WWOX: variants seen among roughly 807,000 people sequenced by gnomAD.
WWOX encodes the protein WW domain containing oxidoreductase, also known as WW domain-containing oxidoreductase.
Under a neutral mutation model 46.2 loss-of-function variants are expected in WWOX, and 69 were observed. The ratio of observed to expected loss-of-function variants is 1.49; its 90% CI spans 1.23 to 1.82. The LOEUF (loss-of-function observed/expected upper bound fraction) is 1.82, where lower values mean the gene tolerates loss of function less well. Among genes scored for constraint, WWOX ranks in the 40% most tolerant of loss-of-function variants. The probability of loss-of-function intolerance (pLI) is 0.00; values close to 1 mark genes in which losing one functional copy is unlikely to be tolerated. For missense variants in WWOX, 919 were observed against 542.6 expected, an observed-to-expected ratio of 1.69 and a Z score of -6.89; for synonymous variants, 359 against 202.6, an observed-to-expected ratio of 1.77 and a Z score of -6.56.
rs150209749 is a variant in WWOX, at chr16:79,139,907, A to G, written c.1057-71701A>G. On this transcript the variant is annotated intron_variant, in intron 8 of 8. Coordinates refer to ENST00000566780, the MANE Select transcript of WWOX (RefSeq NM_016373.4). The stretch of plus-strand genomic sequence containing the variant: ...AAGACCCTCCCCATAAACTATTTGA[A>G]AGAAGCAAAGTTGTAATTCTCCAAA... 4.8e-3 allele frequency among the ~76,000 whole-genome samples: 731 copies of G among 152,328 alleles called. 5 individuals carry two copies. The highest frequency in any genetic ancestry group is 0.017 in the African/African-American group (692 of 41,582).
intron 5 of WWOX, among the ~76,000 whole-genome samples, chr16:78,328,477 A>G (rs1194375796): frequency 6.6e-6 from 1 of 152,196 alleles, no homozygotes; most frequent in Admixed American, 6.5e-5. Flanking sequence ...TTTCATTTCA[A>G]GTTGCTGGTA....
rs538623460 is a variant in WWOX, at chr16:78,861,736, A to G, written c.1057-349872A>G. Among the ~76,000 whole-genome samples the G allele has an allele frequency of 7.9e-4, 120 of 152,310 alleles. No homozygotes were observed. In the South Asian group the frequency reaches 9.1e-3, roughly 12 times the overall value. ...GTTTGAATTCCAGGTAAAAACCTTT[A>G]ACTCATTTCCTTCTTTTGATTTTTC... On this transcript the variant is annotated intron_variant, in intron 8 of 8. Transcript: ENST00000566780.
At chr16:78,977,875 C>A (rs181754723) in intron 8 of WWOX, among the ~76,000 whole-genome samples, 2 of 152,150 alleles carry the variant, frequency 1.3e-5, no homozygotes, top group Non-Finnish European at 2.9e-5. Flanking sequence ...TTGTTTTCCC[C>A]TACTTTTAAA....
At chr16:78,909,125 G>A (rs1206306329) in intron 8 of WWOX, among the ~76,000 whole-genome samples, 1 of 152,200 alleles carries the variant, frequency 6.6e-6, no homozygotes, top group Non-Finnish European at 1.5e-5. Context: ...ACAGCCTGGA[G>A]GTTAGAAGCA....
chr16:78,681,425 A>G (rs555536302), intron 8 of WWOX, among the ~76,000 whole-genome samples: 6 of 151,666 alleles, frequency 4.0e-5, no homozygotes, highest in East Asian at 1.9e-4. Context: ...ACAAAGGTCA[A>G]TTTTTTTTCC....
intron 8 of WWOX, among the ~76,000 whole-genome samples, chr16:78,492,353 A>G (rs1377712950): frequency 6.6e-6 from 1 of 152,154 alleles, no homozygotes; most frequent in African/African-American, 2.4e-5. Flanking sequence ...GACCCATGAC[A>G]TCGTCCACTG....
At chr16:78,746,078 G>A (rs1190606734) in intron 8 of WWOX, among the ~76,000 whole-genome samples, 2 of 152,152 alleles carry the variant, frequency 1.3e-5, no homozygotes, top group African/African-American at 4.8e-5. Flanking sequence ...GCTCAGGAAA[G>A]CCAGAGCTAA....
At chr16:79,209,311 A>G (rs901831372) in intron 8 of WWOX, among the ~76,000 whole-genome samples, 10 of 152,204 alleles carry the variant, frequency 6.6e-5, no homozygotes, top group African/African-American at 2.4e-4. Flanking sequence ...CTTAGCAAAA[A>G]TACCATTCCA....
intron 5 of WWOX, among the ~76,000 whole-genome samples, chr16:78,362,845 C>T (rs1377853127): frequency 1.3e-5 from 2 of 152,156 alleles, no homozygotes; most frequent in Non-Finnish European, 2.9e-5. Context: ...TAGTATTTTG[C>T]TTGCAAAGAT....
chr16:78,400,520 A>G (rs1411743840), intron 6 of WWOX, among the ~76,000 whole-genome samples: 1 of 152,128 alleles, frequency 6.6e-6, no homozygotes, highest in African/African-American at 2.4e-5. Context: ...GGCTGGACAG[A>G]AGGAAGACTT....
intron 8 of WWOX, among the ~76,000 whole-genome samples, chr16:79,054,016 C>G (rs746516402): frequency 1.3e-5 from 2 of 151,860 alleles, no homozygotes; most frequent in Admixed American, 6.6e-5. Context: ...CAGAGCAGGA[C>G]ATGAACAGTG....
intron 6 of WWOX, among the ~76,000 whole-genome samples, chr16:78,414,070 C>G (rs1401813161): frequency 3.3e-5 from 5 of 151,948 alleles, no homozygotes; most frequent in Admixed American, 2.6e-4. Context: ...GATCAGTTGA[C>G]CTTGTGACAT....
At chr16:78,443,203 G>T (rs1311267748) in intron 8 of WWOX, among the ~76,000 whole-genome samples, 1 of 151,246 alleles carries the variant, frequency 6.6e-6, no homozygotes, top group Non-Finnish European at 1.5e-5. Flanking sequence ...TACTTGGGAG[G>T]CTGAGACATG....
chr16:78,810,818 A>G (rs1339195530), intron 8 of WWOX, among the ~76,000 whole-genome samples: 1 of 152,182 alleles, frequency 6.6e-6, no homozygotes, highest in African/African-American at 2.4e-5. Flanking sequence ...AAAACTCCCT[A>G]AAAAAGACAA....
chr16:78,804,288 C>A (rs761366604), intron 8 of WWOX, among the ~76,000 whole-genome samples: 1 of 152,108 alleles, frequency 6.6e-6, no homozygotes, highest in Non-Finnish European at 1.5e-5. Context: ...CTGGTCTTTG[C>A]CCTCAATTTC....
At chr16:78,872,470 G>A (rs1208283958) in intron 8 of WWOX, among the ~76,000 whole-genome samples, 2 of 152,178 alleles carry the variant, frequency 1.3e-5, no homozygotes, top group Non-Finnish European at 2.9e-5. Context: ...GTGAATTACA[G>A]TGGGGGATAA....
chr16:78,988,619 C>T (rs1282040086), intron 8 of WWOX, among the ~76,000 whole-genome samples: 1 of 152,162 alleles, frequency 6.6e-6, no homozygotes, highest in African/African-American at 2.4e-5. Flanking sequence ...TGCTAGAAAC[C>T]AGATGGCAAA....
chr16:78,130,528 T>C (rs2033546749), intron 4 of WWOX, among the ~76,000 whole-genome samples: 1 of 152,228 alleles, frequency 6.6e-6, no homozygotes, highest in Admixed American at 6.5e-5. Flanking sequence ...CTTATGTCTA[T>C]CAAGGAACAT....
intron 4 of WWOX, among the ~76,000 whole-genome samples, chr16:78,141,652 C>T (rs188781612): frequency 7.1e-4 from 108 of 152,190 alleles, no homozygotes; most frequent in Middle Eastern, 3.4e-3. Flanking sequence ...CCATTAAATA[C>T]ACATACTTGC....
Sources: allele counts gnomAD v4.1 joint callset (sites outside exome capture counted in the v4.1 genomes callset), GRCh38; gene constraint gnomAD v4.1.1; transcripts MANE v1.5; gene names NCBI Gene and HGNC (gene_info 2026-07-23, HGNC 2026-07-21).